Variants in CDH23 observed in about 807,000 individuals in gnomAD.
CDH23 encodes the protein cadherin related 23.
In CDH23, 189 loss-of-function variants were observed where a neutral mutation model predicts 317.1. That is an observed-to-expected ratio of 0.60 (90% CI 0.53 to 0.67). The LOEUF is 0.67. Among genes scored for constraint, CDH23 ranks in the 30% least tolerant of loss-of-function variants. The probability of loss-of-function intolerance (pLI) is 0.00; values close to 1 mark genes in which losing one functional copy is unlikely to be tolerated. For synonymous variants in CDH23, 1,839 were observed against 1,876.8 expected, an observed-to-expected ratio of 0.98 and a Z score of 0.52; for missense variants, 4,401 against 4,592.4, an observed-to-expected ratio of 0.96 and a Z score of 1.20.
intron 9 of CDH23, among the ~76,000 whole-genome samples, chr10:71,581,696 G>A (rs1441143300): frequency 6.6e-6 from 1 of 152,224 alleles, no homozygotes; most frequent in Non-Finnish European, 1.5e-5. Flanking sequence ...GACCTGGCAT[G>A]GGCCCCATCT....
chr10:71,778,398 A>G, intron 40 of CDH23, 90 bp downstream of exon 40: 1 of 1,521,266 alleles, frequency 6.6e-7, no homozygotes, highest in African/African-American at 1.4e-5. Context: ...GGGTTAGGGG[A>G]AGATTGTCTG....
chr10:71,780,857 A>G (rs1840932760), intron 41 of CDH23, among the ~76,000 whole-genome samples: 1 of 152,118 alleles, frequency 6.6e-6, no homozygotes. Context: ...TGGCATCACC[A>G]CCAAAGGGAA....
intron 1 of CDH23, among the ~76,000 whole-genome samples, chr10:71,400,242 G>C (rs1847718411): frequency 6.6e-6 from 1 of 152,192 alleles, no homozygotes. Flanking sequence ...TAGGAGATTT[G>C]AAACACTGCT....
At position 71,807,992 on chromosome 10, in the gene CDH23, CAGGT is replaced by C; in HGVS notation, c.8708_8711del (p.Gln2903ProfsTer48). On this transcript the variant is annotated frameshift_variant, in exon 60 of 70. Transcript: ENST00000224721. LOFTEE classifies it high-confidence loss of function. ...TGCCAACGACTCTGAAGATGTGGGC[CAGGT>C]CTTCACCATGGGTAGGGCCTGGCAG... 6.3e-7 allele frequency: 1 copy of C among 1,589,486 alleles called. No individual in the cohort carries two copies. The highest frequency in any genetic ancestry group is 8.6e-7 in the Non-Finnish European group (1 of 1,167,392).
intron 28 of CDH23, among the ~76,000 whole-genome samples, chr10:71,718,752 C>T (rs1016107772): frequency 1.3e-5 from 2 of 152,172 alleles, no homozygotes; most frequent in African/African-American, 4.8e-5. Flanking sequence ...GGCTTCAGGC[C>T]TTGGGACCTG....
At chr10:71,476,307 G>A (rs567071350) in intron 3 of CDH23, among the ~76,000 whole-genome samples, 5 of 152,204 alleles carry the variant, frequency 3.3e-5, no homozygotes, top group South Asian at 4.2e-4. Flanking sequence ...ATAGCAAGTC[G>A]GCGATTTGGG....
At chr10:71,693,876 G>A (rs1200667465) in intron 20 of CDH23, among the ~76,000 whole-genome samples, 1 of 152,086 alleles carries the variant, frequency 6.6e-6, no homozygotes, top group East Asian at 1.9e-4. Flanking sequence ...CCGAGAATCA[G>A]CCTAGATTTT....
At chr10:71,435,975 C>T (rs923882553) in intron 1 of CDH23, among the ~76,000 whole-genome samples, 4 of 152,316 alleles carry the variant, frequency 2.6e-5, no homozygotes, top group South Asian at 2.1e-4. Context: ...GCTTTCCTCC[C>T]GTAGACAGAG....
chr10:71,623,935 G>A (rs2132535634), intron 11 of CDH23, among the ~76,000 whole-genome samples: 1 of 152,282 alleles, frequency 6.6e-6, no homozygotes, highest in South Asian at 2.1e-4. Flanking sequence ...CAGGTTCTCA[G>A]CCCAGTTCTT....
Position 71,751,943 on chromosome 10 carries a change from T to C in CDH23, c.4845+10022T>C. The C allele has an allele frequency of 7.3e-7, 1 of 1,365,182 alleles. No homozygotes were observed. The highest frequency in any genetic ancestry group is 1.0e-6 in the Non-Finnish European group (1 of 990,734). 84.6% of individuals were successfully genotyped at this position (1,365,182 alleles called of 1,614,324 possible). A position where few individuals can be genotyped will look rare whatever the true frequency, so the allele number is the denominator to read the frequency against. On this transcript the variant is annotated intron_variant, in intron 38 of 69. Coordinates refer to ENST00000224721, the MANE Select transcript of CDH23 (RefSeq NM_022124.6). The surrounding 1 kb of genome is among the most constrained non-coding windows in gnomAD (Gnocchi z 4.9). ...CTCCCTGCCCCCAGTTTTTCTCTCC[T>C]CCCTTTCTCTCACCTACATCCCCAT...
chr10:71,761,468 C>G (rs776568616), intron 38 of CDH23: 1 of 1,135,534 alleles, frequency 8.8e-7, no homozygotes, highest in Non-Finnish European at 1.2e-6. Context: ...ATCTCACCCA[C>G]ACACTCCCTG....
At chr10:71,422,096 A>G (rs1848845176) in intron 1 of CDH23, among the ~76,000 whole-genome samples, 1 of 152,190 alleles carries the variant, frequency 6.6e-6, no homozygotes, top group Admixed American at 6.5e-5. Context: ...AGTAATCTCC[A>G]ATCATGGTGT....
intron 14 of CDH23, among the ~76,000 whole-genome samples, chr10:71,660,727 T>C (rs1222623049): frequency 1.3e-5 from 2 of 152,264 alleles, no homozygotes; most frequent in East Asian, 3.9e-4. Context: ...TGTTAATTTG[T>C]GAAAGTTAGG....
At chr10:71,415,862 T>C (rs2131933630) in intron 1 of CDH23, among the ~76,000 whole-genome samples, 1 of 152,372 alleles carries the variant, frequency 6.6e-6, no homozygotes, top group East Asian at 1.9e-4. Context: ...AATATACTTT[T>C]ACTGATTCCA....
intron 38 of CDH23, among the ~76,000 whole-genome samples, chr10:71,766,504 C>A (rs1293956472): frequency 6.6e-6 from 1 of 152,184 alleles, no homozygotes; most frequent in Non-Finnish European, 1.5e-5. Context: ...CTTAGTTGTG[C>A]CCTCATTGTG....
chr10:71,725,263 C>T, intron 29 of CDH23, 109 bp from the exon 30 acceptor site: 1 of 1,544,434 alleles, frequency 6.5e-7, no homozygotes, highest in Admixed American at 1.7e-5. Flanking sequence ...CCCGCAGCCT[C>T]CTCACAAGGA....
intron 69 of CDH23, 113 bp from the exon 70 acceptor site, chr10:71,814,838 CT>C (rs2133015767): frequency 1.6e-6 from 2 of 1,245,470 alleles, no homozygotes; most frequent in South Asian, 3.2e-5. Context: ...TCTGACAGGC[CT>C]GCTGCGGTAG....
At chr10:71,794,535 G>A (rs965631109) in intron 48 of CDH23, 10 of 152,196 alleles carry the variant, frequency 6.6e-5, no homozygotes, top group African/African-American at 2.4e-4. Flanking sequence ...TGAGGAGTTA[G>A]GAAAGGGACA....
At position 71,757,056 on chromosome 10, in the gene CDH23, G is replaced by A. The variant is rs149158938; in HGVS notation, c.4845+15135G>A. On this transcript the variant is annotated intron_variant, in intron 38 of 69. Transcript: ENST00000224721. ...GATCTTAGCAAGGCTGCATTTTGACGTGGAATATTGAAAGTAAAGACATTC... is the reference window on the plus strand; with the variant it reads ...GATCTTAGCAAGGCTGCATTTTGACATGGAATATTGAAAGTAAAGACATTC... 9.5e-3 allele frequency among the ~76,000 whole-genome samples: 1,440 copies of A among 152,340 alleles called. 11 individuals are homozygous for A. The highest frequency in any genetic ancestry group is 0.015 in the Non-Finnish European group (1,044 of 68,038).
Sources: allele counts gnomAD v4.1 joint callset (sites outside exome capture counted in the v4.1 genomes callset), GRCh38; gene constraint gnomAD v4.1.1; non-coding constraint Gnocchi (gnomAD v3.1); transcripts MANE v1.5; gene names NCBI Gene and HGNC (gene_info 2026-07-23, HGNC 2026-07-21).